Variants in QTGAL observed in about 807,000 individuals in gnomAD.
QTGAL encodes BGnT-like protein 1.
At chr17:83,041,929 A>AT in the QTGAL span, among the ~76,000 whole-genome samples, 1 of 152,260 alleles carries the variant, frequency 6.6e-6, no homozygotes, top group South Asian at 2.1e-4. Context: ...GAGGCAGTTC[A>AT]TTGTAGGGCT....
chr17:83,007,156 C>T, the QTGAL span: 4 of 924,420 alleles, frequency 4.3e-6, no homozygotes, highest in Non-Finnish European at 5.2e-6. Flanking sequence ...CAAACGTGCT[C>T]GGCCATGGCT....
chr17:82,942,380 A>G, the QTGAL span: 1 of 1,609,110 alleles, frequency 6.2e-7, no homozygotes, highest in Admixed American at 1.7e-5. Context: ...CAGAGGGGTG[A>G]GGGTCCCCTG....
chr17:83,002,680 G>A, the QTGAL span, among the ~76,000 whole-genome samples: 2 of 152,174 alleles, frequency 1.3e-5, no homozygotes, highest in African/African-American at 4.8e-5. Context: ...TACCCGAGGC[G>A]GCACCGCGGG....
At chr17:82,994,718 C>T in the QTGAL span, among the ~76,000 whole-genome samples, 2 of 152,080 alleles carry the variant, frequency 1.3e-5, no homozygotes, top group African/African-American at 4.8e-5. Context: ...TACCCTGATA[C>T]CAAAACCAGA....
the QTGAL span, among the ~76,000 whole-genome samples, chr17:82,989,696 C>T: frequency 4.0e-5 from 6 of 151,678 alleles, no homozygotes; most frequent in South Asian, 4.2e-4. Context: ...TTTGTGGAGT[C>T]GAATTTGCAA....
chr17:83,012,008 C>A, the QTGAL span, among the ~76,000 whole-genome samples: 1 of 108,908 alleles, frequency 9.2e-6, no homozygotes, highest in African/African-American at 3.7e-5. Context: ...ATCCATAAGT[C>A]TCCCAGCTCG....
At chr17:82,965,523 G>A in the QTGAL span, 78 of 914,568 alleles carry the variant, frequency 8.5e-5, no homozygotes, top group Admixed American at 7.2e-4. Context: ...CCCTCAGGCA[G>A]GGGTTTCCTA....
At chr17:82,962,481 G>A in the QTGAL span, among the ~76,000 whole-genome samples, 2 of 150,790 alleles carry the variant, frequency 1.3e-5, no homozygotes, top group African/African-American at 4.9e-5. Context: ...GCGGGTGCTG[G>A]TGGACACGGA....
chr17:82,973,849 C>T, the QTGAL span, among the ~76,000 whole-genome samples: 4 of 152,140 alleles, frequency 2.6e-5, no homozygotes, highest in Admixed American at 6.5e-5. Flanking sequence ...CCCACAATGG[C>T]GCTGGGGCTG....
At chr17:82,950,528 C>T in the QTGAL span, among the ~76,000 whole-genome samples, 26 of 152,280 alleles carry the variant, frequency 1.7e-4, no homozygotes, top group African/African-American at 3.6e-4. Context: ...CGGAGCCTCC[C>T]GTTTACTCAC....
chr17:83,050,574 A>AAAACAAAC, the QTGAL span, among the ~76,000 whole-genome samples: 4 of 152,206 alleles, frequency 2.6e-5, no homozygotes, highest in African/African-American at 9.7e-5. Context: ...GGCTGGAAAA[A>AAAACAAAC]AAACAAACAA....
chr17:82,945,425 C>T, the QTGAL span: 5 of 152,198 alleles, frequency 3.3e-5, no homozygotes, highest in Admixed American at 3.3e-4. Context: ...AACTGCAGAA[C>T]TGTAAGAAGG....
At chr17:83,047,410 T>A in the QTGAL span, among the ~76,000 whole-genome samples, 1 of 151,806 alleles carries the variant, frequency 6.6e-6, no homozygotes, top group Non-Finnish European at 1.5e-5. Context: ...TAGTAATAAA[T>A]CCCTACCAAA....
the QTGAL span, among the ~76,000 whole-genome samples, chr17:82,952,192 G>A: frequency 4.6e-5 from 7 of 152,158 alleles, no homozygotes; most frequent in South Asian, 2.1e-4. Flanking sequence ...ATCACAGGCC[G>A]GGCAGTGTAG....
the QTGAL span, chr17:83,035,200 A>G: frequency 0.23 from 233,321 of 1,019,570 alleles, 28,141 homozygotes; most frequent in Non-Finnish European, 0.25. Flanking sequence ...TTTTTTCGAG[A>G]TGGAGTTTCC....
the QTGAL span, among the ~76,000 whole-genome samples, chr17:83,020,043 A>G: frequency 6.6e-6 from 1 of 152,184 alleles, no homozygotes; most frequent in East Asian, 1.9e-4. Context: ...CAAGAATAGA[A>G]CTATTAGAAC....
the QTGAL span, chr17:83,005,225 G>A: frequency 2.8e-5 from 45 of 1,592,890 alleles, no homozygotes; most frequent in African/African-American, 4.0e-4. The surrounding 1 kb of genome is among the most constrained non-coding windows in gnomAD (Gnocchi z 5.6). Context: ...GAAAAACAAC[G>A]GCAGACAGAG....
At chr17:82,951,080 G>A in the QTGAL span, among the ~76,000 whole-genome samples, 10 of 152,204 alleles carry the variant, frequency 6.6e-5, no homozygotes, top group East Asian at 1.9e-4. Context: ...CATGCTTAGC[G>A]TTCCAATAAT....
the QTGAL span, among the ~76,000 whole-genome samples, chr17:83,004,944 G>A: frequency 6.6e-6 from 1 of 152,252 alleles, no homozygotes; most frequent in Admixed American, 6.5e-5. Flanking sequence ...TGTGTCCGCT[G>A]GGGCCACTCT....
Sources: gnomAD v4.1 joint callset for allele counts (sites outside exome capture counted in the v4.1 genomes callset) on GRCh38, gnomAD v4.1.1 for gene constraint, Gnocchi (gnomAD v3.1) non-coding constraint, MANE v1.5 for transcripts, NCBI Gene and HGNC (gene_info 2026-07-23, HGNC 2026-07-21) for gene names.